SLC25A26: variants seen among roughly 807,000 people sequenced by gnomAD.
The protein encoded by SLC25A26 is mitochondrial S-adenosylmethionine carrier protein.
Under a neutral mutation model 37.8 loss-of-function variants are expected in SLC25A26, and 36 were observed. The ratio of observed to expected loss-of-function variants is 0.95; its 90% CI spans 0.73 to 1.26. The LOEUF (loss-of-function observed/expected upper bound fraction) is 1.26. Among genes scored for constraint, SLC25A26 ranks in the 50% most tolerant of loss-of-function variants. SLC25A26 has a pLI of 0.00. For synonymous variants in SLC25A26, 129 were observed against 122.5 expected, an observed-to-expected ratio of 1.05 and a Z score of -0.35; for missense variants, 390 against 331.1, an observed-to-expected ratio of 1.18 and a Z score of -1.38.
chr3:66,223,468 A>C (rs1028258597), intron 1 of SLC25A26, among the ~76,000 whole-genome samples: 26 of 152,208 alleles, frequency 1.7e-4, no homozygotes, highest in African/African-American at 6.3e-4. Flanking sequence ...AATGGAAGCC[A>C]TTGAAATGTT....
At chr3:66,354,987 G>A (rs6780107) in intron 6 of SLC25A26, among the ~76,000 whole-genome samples, 49 of 152,234 alleles carry the variant, frequency 3.2e-4, no homozygotes, top group Admixed American at 7.2e-4. Flanking sequence ...CCAGTCTTGA[G>A]TATGTCTTCA....
chr3:66,314,896 C>T (rs947608998), intron 5 of SLC25A26, among the ~76,000 whole-genome samples: 2 of 151,410 alleles, frequency 1.3e-5, no homozygotes, highest in African/African-American at 4.9e-5. Flanking sequence ...TACAGATTTT[C>T]GAGTTTGTTT....
chr3:66,181,660 A>G (rs1253095577), intron 1 of SLC25A26, among the ~76,000 whole-genome samples: 1 of 152,162 alleles, frequency 6.6e-6, no homozygotes, highest in Admixed American at 6.5e-5. Flanking sequence ...TCCAAGCTCA[A>G]ATTTCTAAGA....
At position 66,231,612 on chromosome 3, in the gene SLC25A26, A is replaced by G. The variant is rs571741263; in HGVS notation, c.34-4932A>G. On this transcript the variant is annotated intron_variant, in intron 1 of 9. Transcript: ENST00000354883. ...CAGAGGCAATAATTTCTAGCAATTT[A>G]CTGTTTATGTTCCAGACTTCTAATT... Among the ~76,000 whole-genome samples, 11 of 152,292 alleles carry G rather than the reference A, an allele frequency of 7.2e-5. No homozygotes were observed. In the South Asian group the frequency reaches 2.3e-3, roughly 32 times the overall value.
chr3:66,186,181 CT>C (rs1224142202), intron 1 of SLC25A26, among the ~76,000 whole-genome samples: 2 of 152,016 alleles, frequency 1.3e-5, no homozygotes, highest in Non-Finnish European at 2.9e-5. Context: ...GATATTGACC[CT>C]CTATCTTGTC....
intron 6 of SLC25A26, among the ~76,000 whole-genome samples, chr3:66,358,262 T>C (rs903689718): frequency 1.3e-5 from 2 of 152,244 alleles, no homozygotes; most frequent in Non-Finnish European, 2.9e-5. Context: ...ACTTTCTGAT[T>C]ATTGTTGTTT....
chr3:66,315,479 A>G (rs1050259396), intron 5 of SLC25A26, among the ~76,000 whole-genome samples: 12 of 152,092 alleles, frequency 7.9e-5, no homozygotes, highest in African/African-American at 2.9e-4. Flanking sequence ...ATTGTGGTCT[A>G]AGAGACTGTT....
intron 2 of SLC25A26, among the ~76,000 whole-genome samples, chr3:66,237,025 A>G (rs563634058): frequency 6.6e-6 from 1 of 152,084 alleles, no homozygotes; most frequent in Non-Finnish European, 1.5e-5. Context: ...TTTGTAGAGA[A>G]TGGGTTTTGC....
chr3:66,184,506 G>T (rs2070777469), intron 1 of SLC25A26, among the ~76,000 whole-genome samples: 1 of 63,550 alleles, frequency 1.6e-5, no homozygotes, highest in Admixed American at 1.2e-4. Flanking sequence ...ACCATCAAAT[G>T]ATTCTACTTC....
chr3:66,149,749 A>G (rs2070172849), intron 1 of SLC25A26, among the ~76,000 whole-genome samples: 1 of 152,190 alleles, frequency 6.6e-6, no homozygotes, highest in Non-Finnish European at 1.5e-5. Flanking sequence ...TAAGATAACT[A>G]TATAATTTAT....
chr3:66,183,154 C>T (rs1274569224), intron 1 of SLC25A26, among the ~76,000 whole-genome samples: 1 of 151,976 alleles, frequency 6.6e-6, no homozygotes, highest in East Asian at 1.9e-4. Context: ...TGACCTGACC[C>T]TCAGCCTGAA....
intron 5 of SLC25A26, among the ~76,000 whole-genome samples, chr3:66,328,569 A>G (rs1404073100): frequency 6.6e-6 from 1 of 152,166 alleles, no homozygotes; most frequent in Non-Finnish European, 1.5e-5. Context: ...ATTTAACAGT[A>G]CCTCCATTCA....
chr3:66,188,169 C>T (rs950821653), intron 1 of SLC25A26, among the ~76,000 whole-genome samples: 66,940 of 151,876 alleles, frequency 0.44, 15,112 homozygotes, highest in East Asian at 0.61. Context: ...TCCTTGATCC[C>T]GTGCTTGACC....
chr3:66,224,420 C>G (rs1364712101), intron 1 of SLC25A26, among the ~76,000 whole-genome samples: 1 of 152,184 alleles, frequency 6.6e-6, no homozygotes, highest in African/African-American at 2.4e-5. Flanking sequence ...GGGGAACTCC[C>G]CTTTATAAAA....
intron 5 of SLC25A26, among the ~76,000 whole-genome samples, chr3:66,277,873 A>G (rs1192481872): frequency 6.6e-6 from 1 of 152,124 alleles, no homozygotes; most frequent in African/African-American, 2.4e-5. Flanking sequence ...CAGTGTGATC[A>G]TGAGAAAACA....
chr3:66,371,266 C>T (rs777243967), intron 9 of SLC25A26: 349 of 1,549,070 alleles, frequency 2.3e-4, no homozygotes, highest in Non-Finnish European at 2.8e-4. Context: ...GAGGGTCGGT[C>T]GGCAGCTGCC....
intron 4 of SLC25A26, 27 bp from the exon 5 acceptor site, chr3:66,263,305 G>C: frequency 4.4e-6 from 7 of 1,597,088 alleles, no homozygotes; most frequent in Non-Finnish European, 6.0e-6. Context: ...CATTCTTTCT[G>C]AACTCTCGGC....
chr3:66,296,917 T>C (rs2074920971), intron 5 of SLC25A26, among the ~76,000 whole-genome samples: 1 of 152,254 alleles, frequency 6.6e-6, no homozygotes, highest in Admixed American at 6.5e-5. Context: ...AAGGCTTGAC[T>C]GGCGTAGGCC....
intron 1 of SLC25A26, among the ~76,000 whole-genome samples, chr3:66,146,149 G>T (rs1414177015): frequency 6.6e-6 from 1 of 152,156 alleles, no homozygotes; most frequent in South Asian, 2.1e-4. Context: ...AGACCAGCCT[G>T]GCCAAAATAG....
Sources: gnomAD v4.1 joint callset for allele counts (sites outside exome capture counted in the v4.1 genomes callset) on GRCh38, gnomAD v4.1.1 for gene constraint, MANE v1.5 for transcripts, NCBI Gene and HGNC (gene_info 2026-07-23, HGNC 2026-07-21) for gene names.